Variants in METTL15 observed in about 807,000 individuals in gnomAD.
METTL15 encodes 12S rRNA N(4)-cytidine methyltransferase METTL15.
METTL15 carries 34 observed loss-of-function variants against 38.3 expected under a neutral mutation model. The ratio of observed to expected loss-of-function variants is 0.89; its 90% CI spans 0.68 to 1.18. The LOEUF is 1.18. Among genes scored for constraint, METTL15 ranks in the 50% most tolerant of loss-of-function variants. The pLI, the probability that METTL15 is intolerant of heterozygous loss-of-function variation, is 0.00. For synonymous variants in METTL15, 162 were observed against 170.9 expected (o/e 0.95, Z 0.41); for missense variants, 438 against 498.4 (o/e 0.88, Z 1.15).
At chr11:28,384,941 C>G (rs1159635592) in intron 5 of METTL15, among the ~76,000 whole-genome samples, 2 of 152,082 alleles carry the variant, frequency 1.3e-5, no homozygotes, top group Non-Finnish European at 2.9e-5. Context: ...TATATGTCTT[C>G]TTTTGAAAAG....
chr11:28,243,152 T>C lies in METTL15; in HGVS notation c.407+31954T>C, dbSNP rs995683007. 5.3e-5 allele frequency among the ~76,000 whole-genome samples: 8 copies of C among 151,802 alleles called. No homozygotes were observed. The South Asian group carries it at 1.5e-3, about 28-fold the overall frequency. ...CTGGCATTCTAGAGGGACTTTTAGATGATTTTAAAGATAAATGCCAAAGAG... is the reference window on the plus strand; with the variant it reads ...CTGGCATTCTAGAGGGACTTTTAGACGATTTTAAAGATAAATGCCAAAGAG... On this transcript the variant is annotated intron_variant, in intron 4 of 6. Coordinates refer to ENST00000407364, the MANE Select transcript of METTL15 (RefSeq NM_001113528.2).
downstream of METTL15, among the ~76,000 whole-genome samples, chr11:28,336,148 A>T (rs1299038456): frequency 6.6e-6 from 1 of 151,880 alleles, no homozygotes; most frequent in Admixed American, 6.6e-5. Flanking sequence ...TGGGAACTTC[A>T]CTCCCATGTA....
At chr11:28,328,170 G>A in intron 6 of METTL15, 1 of 1,608,630 alleles carries the variant, frequency 6.2e-7, no homozygotes, top group Non-Finnish European at 8.5e-7. Flanking sequence ...CAAATGGTAA[G>A]AAGCTGGCCT....
At chr11:28,280,457 A>C (rs143727792) in intron 4 of METTL15, among the ~76,000 whole-genome samples, 1 of 151,972 alleles carries the variant, frequency 6.6e-6, no homozygotes, top group Non-Finnish European at 1.5e-5. Context: ...ACATTTTACT[A>C]TGATGGTCCT....
intron 6 of METTL15, among the ~76,000 whole-genome samples, chr11:28,451,743 T>C (rs1419568264): frequency 6.6e-6 from 1 of 152,240 alleles, no homozygotes; most frequent in African/African-American, 2.4e-5. Flanking sequence ...CTGCTCACCC[T>C]ATTATGCAGC....
At chr11:28,419,412 C>A (rs899663373) in intron 5 of METTL15, among the ~76,000 whole-genome samples, 2 of 152,188 alleles carry the variant, frequency 1.3e-5, no homozygotes, top group African/African-American at 4.8e-5. Flanking sequence ...GGTATCTCTA[C>A]ACGTCTACAA....
At chr11:28,351,024 C>G (rs767087799) in intron 3 of METTL15, among the ~76,000 whole-genome samples, 11 of 152,138 alleles carry the variant, frequency 7.2e-5, no homozygotes, top group Non-Finnish European at 1.3e-4. Flanking sequence ...ATTAATTTCT[C>G]CCTAGAGAGT....
intron 6 of METTL15, among the ~76,000 whole-genome samples, chr11:28,312,265 A>C (rs370526925): frequency 2.0e-5 from 3 of 152,212 alleles, no homozygotes; most frequent in African/African-American, 7.2e-5. Context: ...CTGTTGCCCA[A>C]TTATTGTTAT....
At chr11:28,342,833 C>T (rs1158702981) in intron 3 of METTL15, among the ~76,000 whole-genome samples, 1 of 152,182 alleles carries the variant, frequency 6.6e-6, no homozygotes, top group Non-Finnish European at 1.5e-5. Flanking sequence ...CAATTCACAT[C>T]CTAGTCTGTA....
intron 3 of METTL15, among the ~76,000 whole-genome samples, chr11:28,208,034 A>G (rs961354981): frequency 1.3e-5 from 2 of 151,830 alleles, no homozygotes; most frequent in African/African-American, 2.4e-5. Flanking sequence ...CAGTCTATCA[A>G]TTTTGTTGAT....
intron 6 of METTL15, among the ~76,000 whole-genome samples, chr11:28,490,919 G>A (rs1009305641): frequency 6.6e-6 from 1 of 152,130 alleles, no homozygotes; most frequent in African/African-American, 2.4e-5. Context: ...TTGGAAACTG[G>A]TCCCAGGATT....
intron 3 of METTL15, among the ~76,000 whole-genome samples, chr11:28,142,860 G>T (rs1849746201): frequency 6.6e-6 from 1 of 152,098 alleles, no homozygotes; most frequent in Non-Finnish European, 1.5e-5. Flanking sequence ...TGGTAGGCTG[G>T]GAGTGGGTTG....
chr11:28,180,942 C>T (rs140247889), intron 3 of METTL15, among the ~76,000 whole-genome samples: 44 of 151,802 alleles, frequency 2.9e-4, no homozygotes, highest in African/African-American at 6.5e-4. Context: ...TGTACATGCA[C>T]GTTAAATCTT....
At chr11:28,278,332 T>TA (rs1392408095) in intron 4 of METTL15, among the ~76,000 whole-genome samples, 43 of 152,276 alleles carry the variant, frequency 2.8e-4, no homozygotes, top group African/African-American at 9.9e-4. Context: ...AATTAAATGT[T>TA]AAGAAAATCA....
At chr11:28,327,408 T>C (rs933820555) in intron 6 of METTL15, among the ~76,000 whole-genome samples, 2 of 152,270 alleles carry the variant, frequency 1.3e-5, no homozygotes, top group African/African-American at 4.8e-5. Flanking sequence ...AAGGCCAAAG[T>C]AGATCTTATA....
At chr11:28,387,573 G>A (rs1850454106) in intron 5 of METTL15, among the ~76,000 whole-genome samples, 1 of 151,874 alleles carries the variant, frequency 6.6e-6, no homozygotes, top group Non-Finnish European at 1.5e-5. Context: ...GCAAAGAAAA[G>A]CCCAGGACAA....
At chr11:28,126,775 A>G (rs1433706376) in intron 3 of METTL15, among the ~76,000 whole-genome samples, 4 of 152,146 alleles carry the variant, frequency 2.6e-5, no homozygotes, top group Non-Finnish European at 5.9e-5. Context: ...TAAGGAGCTT[A>G]CAATTTAGTG....
In METTL15 at chr11:28,477,045, G is replaced by A. The variant is rs192619273; in HGVS notation, c.*425-49433G>A. On this transcript the variant is annotated intron_variant and NMD_transcript_variant, in intron 6 of 7. Coordinates refer to the METTL15 transcript ENST00000532947. ...ACAGAAAGAGAAACAGGAAGAGAGG[G>A]TAGCATAGTGCTTAGCCACGTTAAT... Among the ~76,000 whole-genome samples the A allele has an allele frequency of 1.1e-3, 162 of 152,254 alleles. 1 individual carries two copies. Among genetic ancestry groups the A allele is most frequent in the Middle Eastern group, 6.8e-3 (2 of 294 alleles).
chr11:28,270,529 A>G (rs1427251169), intron 4 of METTL15, among the ~76,000 whole-genome samples: 1 of 152,194 alleles, frequency 6.6e-6, no homozygotes, highest in African/African-American at 2.4e-5. Flanking sequence ...TCAAGAATAG[A>G]GACATTGAAA....
Sources: allele counts gnomAD v4.1 joint callset (sites outside exome capture counted in the v4.1 genomes callset), GRCh38; gene constraint gnomAD v4.1.1; transcripts MANE v1.5; gene names NCBI Gene and HGNC (gene_info 2026-07-23, HGNC 2026-07-21).